Variants in GRM5 observed in about 807,000 individuals in gnomAD.
GRM5 encodes glutamate metabotropic receptor 5, also known as metabotropic glutamate receptor 5.
A neutral mutation model predicts 83.1 loss-of-function variants in GRM5; 19 were observed. That is an observed-to-expected ratio of 0.23 (90% CI 0.16 to 0.34). The LOEUF is 0.34. Among genes scored for constraint, GRM5 ranks in the 10% least tolerant of loss-of-function variants. The pLI, the probability that GRM5 is intolerant of heterozygous loss-of-function variation, is 1.00. For synonymous variants in GRM5, 675 were observed against 633.6 expected, an observed-to-expected ratio of 1.07 and a Z score of -0.98; for missense variants, 1,160 against 1,588.3, an observed-to-expected ratio of 0.73 and a Z score of 4.58.
In GRM5 at chr11:88,505,837, G is replaced by A. The variant is rs1941170190; in HGVS notation, c.*2755C>T. ...GGCACCAGGAACAGATTGTTTTGAA[G>A]GAAATTCAATGAGAATGTACCCAAA... is the stretch of plus-strand genomic sequence containing the variant. On this transcript the variant is annotated 3_prime_UTR_variant, in exon 10 of 10. Coordinates refer to ENST00000305447, the MANE Select transcript of GRM5 (RefSeq NM_001143831.3). The A allele has an allele frequency of 6.6e-6, 1 of 152,138 alleles. No homozygotes were observed. The highest frequency in any genetic ancestry group is 6.5e-5 in the Admixed American group (1 of 15,272). The allele number at this position is 152,138 out of a possible 1,614,324, so 9.4% of individuals were successfully genotyped here.
intron 2 of GRM5, among the ~76,000 whole-genome samples, chr11:88,954,909 G>C (rs1472326065): frequency 6.6e-6 from 1 of 152,012 alleles, no homozygotes; most frequent in African/African-American, 2.4e-5. Flanking sequence ...CAAGGGCTAA[G>C]GATTAAAATT....
chr11:88,990,819 A>C (rs1372601577), intron 2 of GRM5, among the ~76,000 whole-genome samples: 1 of 151,752 alleles, frequency 6.6e-6, no homozygotes, highest in African/African-American at 2.4e-5. Flanking sequence ...ACAACCCTTC[A>C]TGCTAAAAAC....
chr11:88,566,960 A>G, intron 8 of GRM5, 93 bp downstream of exon 8: 1 of 784,014 alleles, frequency 1.3e-6, no homozygotes, highest in Non-Finnish European at 2.1e-6. Flanking sequence ...GGTTTCATTT[A>G]CCCAGATTTC....
chr11:88,797,898 T>A (rs1044565223), intron 3 of GRM5, among the ~76,000 whole-genome samples: 1 of 152,020 alleles, frequency 6.6e-6, no homozygotes, highest in Admixed American at 6.6e-5. Flanking sequence ...TTATATTTAG[T>A]TGGGGAGCTA....
At chr11:88,820,374 C>CAAAAAAAAA (rs11457342) in intron 3 of GRM5, among the ~76,000 whole-genome samples, 3 of 68,920 alleles carry the variant, frequency 4.4e-5, no homozygotes, top group Admixed American at 1.6e-4. Context: ...AACTCCATCT[C>CAAAAAAAAA]AAAAAAAAAA....
intron 2 of GRM5, among the ~76,000 whole-genome samples, chr11:88,853,290 A>C (rs1481451628): frequency 6.6e-6 from 1 of 152,112 alleles, no homozygotes; most frequent in Non-Finnish European, 1.5e-5. Context: ...TTATGCAATA[A>C]AATATATTTG....
intron 8 of GRM5, among the ~76,000 whole-genome samples, chr11:88,544,573 C>A (rs1391905255): frequency 6.6e-6 from 1 of 152,200 alleles, no homozygotes; most frequent in Non-Finnish European, 1.5e-5. Flanking sequence ...CTCTAGGGGG[C>A]CTTGTTCATC....
At chr11:88,887,923 C>A (rs991378793) in intron 2 of GRM5, among the ~76,000 whole-genome samples, 1 of 152,016 alleles carries the variant, frequency 6.6e-6, no homozygotes, top group African/African-American at 2.4e-5. Flanking sequence ...GAGAATAATT[C>A]CCCAAAATGA....
intron 8 of GRM5, among the ~76,000 whole-genome samples, chr11:88,547,803 A>G (rs1224725740): frequency 2.6e-5 from 4 of 152,170 alleles, no homozygotes; most frequent in African/African-American, 9.7e-5. Flanking sequence ...AGCTTTCACA[A>G]GTGTAAAAAT....
At chr11:88,853,381 G>A (rs1157401105) in intron 2 of GRM5, among the ~76,000 whole-genome samples, 1 of 151,990 alleles carries the variant, frequency 6.6e-6, no homozygotes, top group Non-Finnish European at 1.5e-5. Context: ...TTGGGAAGAG[G>A]AAGGCCATTA....
At chr11:88,926,569 G>T (rs1289852981) in intron 2 of GRM5, among the ~76,000 whole-genome samples, 2 of 152,004 alleles carry the variant, frequency 1.3e-5, no homozygotes, top group African/African-American at 4.8e-5. Context: ...AGACTACTTT[G>T]TCTATTTAGC....
intron 3 of GRM5, among the ~76,000 whole-genome samples, chr11:88,846,208 T>A (rs905166488): frequency 2.0e-5 from 3 of 152,250 alleles, no homozygotes; most frequent in African/African-American, 7.2e-5. Flanking sequence ...AAACTAGTTG[T>A]TTCCAAGTCT....
intron 3 of GRM5, among the ~76,000 whole-genome samples, chr11:88,797,111 A>C (rs997248548): frequency 6.6e-6 from 1 of 151,940 alleles, no homozygotes; most frequent in Non-Finnish European, 1.5e-5. Flanking sequence ...ACATGAGAAG[A>C]CTGGATTCTT....
intron 3 of GRM5, among the ~76,000 whole-genome samples, chr11:88,660,676 GTTATGC>G (rs1429292488): frequency 6.6e-6 from 1 of 152,162 alleles, no homozygotes; most frequent in African/African-American, 2.4e-5. Flanking sequence ...GAAATCATTA[GTTATGC>G]TTATCATGAT....
intron 2 of GRM5, among the ~76,000 whole-genome samples, chr11:89,032,261 T>C (rs1183828648): frequency 6.6e-6 from 1 of 152,118 alleles, no homozygotes; most frequent in Non-Finnish European, 1.5e-5. Flanking sequence ...AATTCTAGTT[T>C]ATTTAACCAT....
intron 4 of GRM5, among the ~76,000 whole-genome samples, chr11:88,630,665 G>A (rs918755885): frequency 8.6e-5 from 13 of 151,830 alleles, no homozygotes; most frequent in African/African-American, 3.1e-4. Context: ...TGCAACCTCT[G>A]CCTCGCGGGT....
At chr11:89,036,586 A>T (rs555023915) in intron 2 of GRM5, among the ~76,000 whole-genome samples, 1 of 151,704 alleles carries the variant, frequency 6.6e-6, no homozygotes, top group East Asian at 1.9e-4. Flanking sequence ...AGGTATTTTT[A>T]TCTCAATTTG....
At chr11:88,941,197 G>A (rs1938077076) in intron 2 of GRM5, among the ~76,000 whole-genome samples, 1 of 151,730 alleles carries the variant, frequency 6.6e-6, no homozygotes, top group Non-Finnish European at 1.5e-5. Flanking sequence ...GCACCTTAAT[G>A]TGCCAGAAAA....
chr11:89,002,100 T>C (rs1267143893), intron 2 of GRM5, among the ~76,000 whole-genome samples: 1 of 152,166 alleles, frequency 6.6e-6, no homozygotes, highest in Admixed American at 6.6e-5. Context: ...GAGCTCATAT[T>C]GTCTTCTAAG....
Sources: allele counts gnomAD v4.1 joint callset (sites outside exome capture counted in the v4.1 genomes callset), GRCh38; gene constraint gnomAD v4.1.1; transcripts MANE v1.5; gene names NCBI Gene and HGNC (gene_info 2026-07-23, HGNC 2026-07-21).